The following PI4K2B variants were observed in gnomAD, a reference collection of about 807,000 sequenced individuals.
PI4K2B encodes the protein phosphatidylinositol 4-kinase type 2 beta, also known as phosphatidylinositol 4-kinase type 2-beta.
Under a neutral mutation model 56.6 loss-of-function variants are expected in PI4K2B, and 46 were observed. The observed-to-expected ratio is 0.81, with a 90% CI of 0.64 to 1.04. PI4K2B has a LOEUF of 1.04. Among genes scored for constraint, PI4K2B ranks in the 50% least tolerant of loss-of-function variants. The pLI is 0.00. For missense variants in PI4K2B, 556 were observed against 607.7 expected (o/e 0.91, Z 0.89); for synonymous variants, 211 against 223.8 (o/e 0.94, Z 0.51).
At chr4:25,254,133 A>T (rs1488895565) in intron 2 of PI4K2B, among the ~76,000 whole-genome samples, 1 of 152,222 alleles carries the variant, frequency 6.6e-6, no homozygotes, top group Non-Finnish European at 1.5e-5. Context: ...GACAGCATGG[A>T]TGTACACTGT....
At chr4:25,241,514 T>C (rs1160229331) in intron 1 of PI4K2B, among the ~76,000 whole-genome samples, 3 of 152,236 alleles carry the variant, frequency 2.0e-5, no homozygotes, top group Admixed American at 2.0e-4. Flanking sequence ...GCCATGCATG[T>C]GCGTATTTGA....
chr4:25,271,189 A>G (rs1716875093), intron 9 of PI4K2B, among the ~76,000 whole-genome samples: 2 of 152,230 alleles, frequency 1.3e-5, no homozygotes, highest in Non-Finnish European at 2.9e-5. Context: ...CTCGAGAAAT[A>G]GAATGGAGCC....
intron 9 of PI4K2B, among the ~76,000 whole-genome samples, chr4:25,270,205 G>A (rs1287041032): frequency 6.6e-5 from 10 of 151,220 alleles, no homozygotes; most frequent in African/African-American, 1.2e-4. Context: ...TTCTTTTTTC[G>A]CGGAATGTGG....
rs2109029059 is a variant in PI4K2B at position 25,277,456 on chromosome 4, C to G, written c.*269C>G. 1 of 243,796 alleles carries G rather than the reference C, an allele frequency of 4.1e-6. No homozygotes were observed. The highest frequency in any genetic ancestry group is 2.2e-5 in the African/African-American group (1 of 44,920). 15.1% of individuals were successfully genotyped at this position (243,796 alleles called of 1,614,324 possible). A position where few individuals can be genotyped will look rare whatever the true frequency, so the allele number is the denominator to read the frequency against. On this transcript the variant is annotated 3_prime_UTR_variant, in exon 10 of 10. Transcript: ENST00000264864. ...TGTTAGTTTAAAAGGTAATTTTACA[C>G]ATGCTGGAATGACTGTAATTACTCT...
chr4:25,263,379 A>G (rs1716547934), intron 6 of PI4K2B, among the ~76,000 whole-genome samples: 1 of 152,332 alleles, frequency 6.6e-6, no homozygotes, highest in South Asian at 2.1e-4. Context: ...TAAGGTGATT[A>G]TTAAGGTGTT....
At chr4:25,249,920 C>G (rs926513110) in intron 1 of PI4K2B, among the ~76,000 whole-genome samples, 4 of 152,206 alleles carry the variant, frequency 2.6e-5, no homozygotes, top group Admixed American at 1.3e-4. Flanking sequence ...TGCACTCCAG[C>G]CTGGGCAACA....
At chr4:25,234,746 A>G (rs1029910234) in intron 1 of PI4K2B, among the ~76,000 whole-genome samples, 5 of 152,236 alleles carry the variant, frequency 3.3e-5, no homozygotes, top group African/African-American at 7.2e-5. Context: ...AAATGACGTA[A>G]GTCCTTGCTC....
chr4:25,242,219 G>A (rs1715555408), intron 1 of PI4K2B, among the ~76,000 whole-genome samples: 2 of 152,222 alleles, frequency 1.3e-5, no homozygotes, highest in African/African-American at 4.8e-5. Flanking sequence ...AAGTTCAAGA[G>A]ATCTAGAGTA....
rs536993145 is a variant in PI4K2B, at chr4:25,236,419, C to T, written c.268+1988C>T. On this transcript the variant is annotated intron_variant, in intron 1 of 9. Transcript: ENST00000264864. ...TAGAAAAATTAGCCAGGCATGGTGG[C>T]GGGCGCCTGCAATTCCAGCTACTTG... Among the ~76,000 whole-genome samples, 7 of 151,770 alleles carry T rather than the reference C, an allele frequency of 4.6e-5. No individual in the cohort carries two copies. The East Asian group carries it at 7.8e-4, about 17-fold the overall frequency.
intron 1 of PI4K2B, among the ~76,000 whole-genome samples, chr4:25,243,369 T>G (rs2109087012): frequency 6.6e-6 from 1 of 152,302 alleles, no homozygotes; most frequent in African/African-American, 2.4e-5. Context: ...TTTTAAAGCA[T>G]CCTAGTAAAC....
Position 25,239,865 on chromosome 4 carries a change from C to T in PI4K2B, c.268+5434C>T, listed in dbSNP as rs951351938. Among the ~76,000 whole-genome samples, 3 of 152,352 alleles carry T rather than the reference C, an allele frequency of 2.0e-5. No homozygotes were observed. In the East Asian group the frequency reaches 5.8e-4, roughly 29 times the overall value. ...GGCCAATGACTGCTCTAGCTACTTC[C>T]TGCTGGATAGGGGCAATGAAGTGGC... On this transcript the variant is annotated intron_variant, in intron 1 of 9. Coordinates refer to ENST00000264864, the MANE Select transcript of PI4K2B (RefSeq NM_018323.4).
At chr4:25,269,110 ATTTTGGGAATTG>A in intron 8 of PI4K2B, 22 bp from the exon 9 acceptor site, 3 of 1,256,142 alleles carry the variant, frequency 2.4e-6, no homozygotes, top group Non-Finnish European at 3.4e-6. Context: ...CAAAGTCTTT[ATTTTGGGAATTG>A]TTTTTTTCCT....
At position 25,235,866 on chromosome 4, in the gene PI4K2B, G is replaced by A. The variant is rs774496985; in HGVS notation, c.268+1435G>A. ...ATTAAGGCTAGAAAAAAATCAAAGC[G>A]AGAGGTCAACGAGATGGCAGGCCTG... On this transcript the variant is annotated intron_variant, in intron 1 of 9. Transcript: ENST00000264864. Among the ~76,000 whole-genome samples the A allele has an allele frequency of 7.4e-4, 112 of 152,132 alleles. 1 individual carries two copies. Among genetic ancestry groups the A allele is most frequent in the Middle Eastern group, 3.4e-3 (1 of 294 alleles).
At chr4:25,249,432 G>A (rs1715944072) in intron 1 of PI4K2B, among the ~76,000 whole-genome samples, 1 of 144,008 alleles carries the variant, frequency 6.9e-6, no homozygotes, top group Non-Finnish European at 1.5e-5. Flanking sequence ...CGGCTGGCCG[G>A]GCGGGGGCTG....
At chr4:25,236,181 TGAGACAGAGCAA>T (rs963974775) in intron 1 of PI4K2B, among the ~76,000 whole-genome samples, 6 of 146,480 alleles carry the variant, frequency 4.1e-5, no homozygotes, top group Non-Finnish European at 9.0e-5. Context: ...GGTTCTGTCT[TGAGACAGAGCAA>T]GACTCTGTCT....
At chr4:25,263,639 G>T in intron 6 of PI4K2B, 111 bp from the exon 7 acceptor site, 1 of 468,650 alleles carries the variant, frequency 2.1e-6, no homozygotes, top group Non-Finnish European at 3.8e-6. Flanking sequence ...ATTTTTATAG[G>T]CTCATCCGAG....
chr4:25,259,949 A>T (rs1716398764), intron 5 of PI4K2B, among the ~76,000 whole-genome samples: 1 of 152,224 alleles, frequency 6.6e-6, no homozygotes, highest in African/African-American at 2.4e-5. Context: ...TTGGAACAGA[A>T]ATTGCAAGTG....
intron 1 of PI4K2B, 127 bp downstream of exon 1, chr4:25,234,558 T>A (rs977429423): frequency 4.3e-5 from 28 of 653,102 alleles, no homozygotes; most frequent in Non-Finnish European, 5.8e-5. Flanking sequence ...GGGCAGCAGC[T>A]CCCGAGCTCG....
intron 2 of PI4K2B, 57 bp from the exon 3 acceptor site, chr4:25,255,008 T>C: frequency 8.7e-7 from 1 of 1,151,460 alleles, no homozygotes; most frequent in Non-Finnish European, 1.3e-6. Context: ...ATGCATTTTA[T>C]GGATGATTAT....
Sources: gnomAD v4.1 joint callset for allele counts (sites outside exome capture counted in the v4.1 genomes callset) on GRCh38, gnomAD v4.1.1 for gene constraint, MANE v1.5 for transcripts, NCBI Gene and HGNC (gene_info 2026-07-23, HGNC 2026-07-21) for gene names.